The following DCTN1 variants were observed in gnomAD, a reference collection of about 807,000 sequenced individuals.
DCTN1 encodes the protein dynactin subunit 1, also known as 150 kDa dynein-associated polypeptide.
DCTN1 carries 61 observed loss-of-function variants against 161.2 expected under a neutral mutation model. The observed-to-expected ratio is 0.38, with a 90% CI of 0.31 to 0.47. The LOEUF is 0.47. DCTN1 is among the 20% of genes least tolerant of loss of function. The pLI is 0.99. For synonymous variants in DCTN1, 653 were observed against 632.4 expected (o/e 1.03, Z -0.49); for missense variants, 1,404 against 1,623.7 (o/e 0.86, Z 2.33).
intron 5 of DCTN1, 36 bp downstream of exon 5, chr2:74,376,706 C>A (rs1218824122): frequency 1.3e-6 from 2 of 1,589,948 alleles, no homozygotes; most frequent in Non-Finnish European, 1.7e-6. Context: ...GGCTCATGGC[C>A]CCCATCCACC....
rs148449665 is a variant in DCTN1 at position 74,369,361 on chromosome 2, T to C, written c.1523A>G (p.Glu508Gly). 2 of 1,614,048 alleles carry C rather than the reference T, an allele frequency of 1.2e-6. No individual in the cohort carries two copies. Among genetic ancestry groups the C allele is most frequent in the African/African-American group, 1.3e-5 (1 of 74,930 alleles). ...GGTCTGCTGGTAGTCTGCAACCGTC[T>C]CCTGGGCTGCCTCCACACGCTTCTG... is the stretch of plus-strand genomic sequence containing the variant. Reference protein sequence around the residue: ...EAQKRVEAAQETVADYQQTIK... With the variant: ...EAQKRVEAAQGTVADYQQTIK... The change falls in exon 14 of 32, where the codon GAG becomes GGG. Residue 508 changes from glutamate to glycine, a missense_variant. This residue lies in a region of DCTN1 where 278 missense variants were observed against 363.8 expected (regional missense o/e 0.76). Transcript: ENST00000628224. This position sits in a 1 kb window ranked among gnomAD's most constrained non-coding sequence, Gnocchi z 4.9.
intron 5 of DCTN1, among the ~76,000 whole-genome samples, chr2:74,376,223 T>G (rs1308079536): frequency 6.6e-6 from 1 of 151,590 alleles, no homozygotes; most frequent in Non-Finnish European, 1.5e-5. Context: ...AGTTGTGGGG[T>G]GTGGGGATAT....
In DCTN1 at chr2:74,374,384, AGAG is replaced by A. The variant is rs745466159; in HGVS notation, c.415-47_415-45del. On this transcript the variant is annotated intron_variant, in intron 5 of 31. Transcript: ENST00000628224. ...AAACCAAAGAAAGCAAGGAGAGGAAAGAGGAGGGACAGAGGAGGATAGACAAAC... is the reference window on the plus strand; with the variant it reads ...AAACCAAAGAAAGCAAGGAGAGGAAAGAGGGACAGAGGAGGATAGACAAAC... 5.6e-6 allele frequency: 9 copies of A among 1,612,736 alleles called. No individual in the cohort carries two copies. The Admixed American group carries it at 1.5e-4, about 27-fold the overall frequency.
At position 74,369,138 on chromosome 2, in the gene DCTN1, T is replaced by C. The variant is rs1317779328; in HGVS notation, c.1661A>G (p.Asp554Gly). ...RQQQPPPETF[D>G]FKIKFAETKA... ...AGTCTCAGCAAACTTGATTTTGAAG[T>C]CAAAGGTCTCTGGAGGTGGCTGCTG... The change falls in exon 15 of 32, where the codon GAC (aspartate) becomes GGC (glycine). Residue 554 changes from aspartate (D) to glycine (G), a missense_variant. Around this residue, in one of 9 missense-constraint regions of DCTN1, gnomAD observed 278 missense variants for 363.8 expected, o/e 0.76. Coordinates refer to ENST00000628224, the MANE Select transcript of DCTN1 (RefSeq NM_004082.5). This position sits in a 1 kb window ranked among gnomAD's most constrained non-coding sequence, Gnocchi z 4.9. The C allele has an allele frequency of 6.2e-7, 1 of 1,614,232 alleles. No homozygotes were observed. Among genetic ancestry groups the C allele is most frequent in the East Asian group, 2.2e-5 (1 of 44,882 alleles).
At chr2:74,386,994 T>C (rs1675761580) in intron 1 of DCTN1, 1 of 152,220 alleles carries the variant, frequency 6.6e-6, no homozygotes, top group Non-Finnish European at 1.5e-5. Flanking sequence ...CACCATTCTG[T>C]ATTCTTCCTT....
intron 1 of DCTN1, 55 bp from the exon 2 acceptor site, chr2:74,378,300 T>A: frequency 2.5e-6 from 4 of 1,596,182 alleles, no homozygotes; most frequent in Non-Finnish European, 2.5e-6. Context: ...AAGGTGGCAT[T>A]CTTATGTATA....
At chr2:74,379,541 G>C (rs992038611) in intron 1 of DCTN1, among the ~76,000 whole-genome samples, 1 of 152,100 alleles carries the variant, frequency 6.6e-6, no homozygotes, top group Non-Finnish European at 1.5e-5. Context: ...TGATATAAAA[G>C]GCTGAACCCA....
intron 5 of DCTN1, 143 bp downstream of exon 5, chr2:74,376,599 T>C: frequency 1.3e-6 from 1 of 796,510 alleles, no homozygotes; most frequent in Admixed American, 2.0e-5. Context: ...AAAGGAACTC[T>C]GAAAGCCAAG....
At chr2:74,380,322 T>A, upstream of DCTN1, 1 of 563,154 alleles carries the variant, frequency 1.8e-6, no homozygotes, top group Non-Finnish European at 3.3e-6. Context: ...GCGCTAGTGC[T>A]GCTCTAGACT....
At chr2:74,376,946 G>A (rs1381411523) in intron 4 of DCTN1, among the ~76,000 whole-genome samples, 184 bp from the exon 5 acceptor site, 1 of 152,140 alleles carries the variant, frequency 6.6e-6, no homozygotes, top group Admixed American at 6.5e-5. Context: ...AGAGTCTGCA[G>A]CCCCACCTCA....
At position 74,361,365 on chromosome 2, in the gene DCTN1, TG is replaced by T; in HGVS notation, c.*133del. On this transcript the variant is annotated 3_prime_UTR_variant, in exon 32 of 32. Transcript: ENST00000628224. ...GTGAAGGGGCAGGACGCTGAAAGGG[TG>T]GGAGTGAAGCTGAACGGGGCAGGAA... 1 of 1,252,352 alleles carries T rather than the reference TG, an allele frequency of 8.0e-7. No individual in the cohort carries two copies. The highest frequency in any genetic ancestry group is 1.1e-6 in the Non-Finnish European group (1 of 883,186). The allele number at this position is 1,252,352 out of a possible 1,614,324, so 77.6% of individuals were successfully genotyped here. A position where few individuals can be genotyped will look rare whatever the true frequency, so the allele number is the denominator to read the frequency against.
chr2:74,361,739 G>C (rs1674010021), intron 31 of DCTN1, 103 bp from the exon 32 acceptor site: 1 of 1,447,310 alleles, frequency 6.9e-7, no homozygotes. Flanking sequence ...GCTCCTGGGT[G>C]ACTAGGGCTT....
Position 74,371,596 on chromosome 2 carries a change from T to A in DCTN1, c.586A>T (p.Ile196Phe). The change falls in exon 8 of 32, where the codon ATC (isoleucine) becomes TTC (phenylalanine). Residue 196 changes from isoleucine (I) to phenylalanine (F), a missense_variant. By Grantham distance (21) the Ile-to-Phe change is conservative. Around this residue, in one of 9 missense-constraint regions of DCTN1, gnomAD observed 174 missense variants for 175.6 expected, o/e 0.99. Transcript: ENST00000628224. ...GGAGAGGTGAGGACCGGCGTGGGGA[T>A]GATGGGTGCTGCCAGCGGAGTCTGA... ...PAQTPLAAPI[I>F]PTPVLTSPGA... The A allele has an allele frequency of 6.3e-7, 1 of 1,588,378 alleles. No individual in the cohort carries two copies. Among genetic ancestry groups the A allele is most frequent in the Non-Finnish European group, 8.6e-7 (1 of 1,167,890 alleles).
exon 1 of DCTN1, chr2:74,391,824 C>T (rs1436201214): frequency 2.2e-6 from 1 of 453,806 alleles, no homozygotes; most frequent in East Asian, 7.0e-5. Context: ...CGCCCAGCTC[C>T]GACCCCACCG....
chr2:74,391,074 T>TA (rs1358574997), intron 1 of DCTN1: 4 of 152,764 alleles, frequency 2.6e-5, no homozygotes, highest in African/African-American at 4.8e-5. Context: ...TTTTTAAAAA[T>TA]AAAGTTATCA....
chr2:74,377,203 T>C (rs543380751), intron 4 of DCTN1, among the ~76,000 whole-genome samples: 51 of 152,282 alleles, frequency 3.3e-4, no homozygotes, highest in Admixed American at 1.2e-3. Flanking sequence ...CAGCTCAATC[T>C]CATTTGACCC....
chr2:74,369,542 G>C lies in DCTN1; in HGVS notation c.1393-51C>G. On this transcript the variant is annotated intron_variant, in intron 13 of 31. Transcript: ENST00000628224. This position sits in a 1 kb window ranked among gnomAD's most constrained non-coding sequence, Gnocchi z 4.9. ...CTAAAGAAAGGCAGGGTCGGCCAGC[G>C]GCGGTGGTTCACACCTGTAATCCCA... 1 of 1,589,400 alleles carries C rather than the reference G, an allele frequency of 6.3e-7. No individual in the cohort carries two copies. Among genetic ancestry groups the C allele is most frequent in the Non-Finnish European group, 8.6e-7 (1 of 1,168,190 alleles).
In DCTN1 at chr2:74,370,879, T is replaced by C; in HGVS notation, c.844-54A>G. ...TACCAGCACAGAGATGCCCCAGGCCTTTCTCACAGTATGTTCCAGGCTCCA... is the reference window on the plus strand; with the variant it reads ...TACCAGCACAGAGATGCCCCAGGCCCTTCTCACAGTATGTTCCAGGCTCCA... On this transcript the variant is annotated intron_variant, in intron 9 of 31. Transcript: ENST00000628224. The surrounding 1 kb of genome is among the most constrained non-coding windows in gnomAD (Gnocchi z 4.4). 2 of 1,613,622 alleles carry C rather than the reference T, an allele frequency of 1.2e-6. No homozygotes were observed. Among genetic ancestry groups the C allele is most frequent in the South Asian group, 1.1e-5 (1 of 91,054 alleles).
At chr2:74,383,571 G>A (rs1675603846), upstream of DCTN1, among the ~76,000 whole-genome samples, 3 of 152,218 alleles carry the variant, frequency 2.0e-5, no homozygotes. Flanking sequence ...AGGAATAACA[G>A]CAAGGAGGCT....
Sources: gnomAD v4.1 joint callset for allele counts (sites outside exome capture counted in the v4.1 genomes callset) on GRCh38, gnomAD v4.1.1 for gene constraint, gnomAD v4.1.1 regional missense constraint, Gnocchi (gnomAD v3.1) non-coding constraint, MANE v1.5 for transcripts, NCBI Gene and HGNC (gene_info 2026-07-23, HGNC 2026-07-21) for gene names.